GOSR2: variants seen among roughly 807,000 people sequenced by gnomAD.
GOSR2 encodes golgi SNAP receptor complex member 2, also known as 27 kDa Golgi SNARE protein.
A neutral mutation model predicts 27.9 loss-of-function variants in GOSR2; 20 were observed. The ratio of observed to expected loss-of-function variants is 0.72; its 90% CI spans 0.50 to 1.04. GOSR2 has a LOEUF of 1.04. GOSR2 is among the 50% of genes least tolerant of loss of function. GOSR2 has a pLI of 0.00. For synonymous variants in GOSR2, 91 were observed against 98.8 expected (o/e 0.92, Z 0.47); for missense variants, 261 against 270.5 (o/e 0.97, Z 0.25).
intron 1 of GOSR2, among the ~76,000 whole-genome samples, chr17:46,926,140 C>T (rs16941277): frequency 0.03 from 4,517 of 152,166 alleles, 215 homozygotes; most frequent in African/African-American, 0.1. Context: ...TCCTGAACAG[C>T]GGAGCTTAAG....
At chr17:46,954,354 G>A (rs1027261651) in intron 6 of GOSR2, among the ~76,000 whole-genome samples, 4 of 152,234 alleles carry the variant, frequency 2.6e-5, no homozygotes, top group Admixed American at 2.6e-4. Context: ...GTAGATAAGC[G>A]GCATTATTTC....
chr17:46,925,773 A>G (rs768557928), intron 1 of GOSR2, among the ~76,000 whole-genome samples: 1 of 152,218 alleles, frequency 6.6e-6, no homozygotes, highest in Non-Finnish European at 1.5e-5. Context: ...GTCACTGAAT[A>G]CATTGAGTAC....
intron 6 of GOSR2, among the ~76,000 whole-genome samples, chr17:46,960,606 T>C (rs1568212506): frequency 6.6e-6 from 1 of 152,236 alleles, no homozygotes; most frequent in Non-Finnish European, 1.5e-5. Flanking sequence ...CCAAATATCC[T>C]TCAACTGAAG....
At chr17:46,947,957 A>G (rs2090047536) in intron 6 of GOSR2, among the ~76,000 whole-genome samples, 1 of 152,114 alleles carries the variant, frequency 6.6e-6, no homozygotes, top group Non-Finnish European at 1.5e-5. Flanking sequence ...TTTACTAGAG[A>G]CAGAGTTTCA....
At position 46,939,438 on chromosome 17, in the gene GOSR2, G is replaced by T; in HGVS notation, c.*678G>T. The T allele has an allele frequency of 1.0e-6, 1 of 992,288 alleles. No individual in the cohort carries two copies. Among genetic ancestry groups the T allele is most frequent in the Non-Finnish European group, 1.2e-6 (1 of 833,166 alleles). 61.5% of individuals were successfully genotyped at this position (992,288 alleles called of 1,614,324 possible). A position where few individuals can be genotyped will look rare whatever the true frequency, so the allele number is the denominator to read the frequency against. On this transcript the variant is annotated 3_prime_UTR_variant, in exon 6 of 6. Transcript: ENST00000640051. ...GTGAGGCCAGTGTTATTTCCCGGGAGTGTTCAGTCTTGACCCTAGTCACTG... is the reference window on the plus strand; with the variant it reads ...GTGAGGCCAGTGTTATTTCCCGGGATTGTTCAGTCTTGACCCTAGTCACTG...
chr17:46,923,958 G>T, intron 1 of GOSR2: 1 of 398,198 alleles, frequency 2.5e-6, no homozygotes, highest in Non-Finnish European at 4.4e-6. Context: ...GGAATTTTAT[G>T]ATTTTTATTT....
chr17:46,935,849 T>C lies in GOSR2; in HGVS notation c.477+680T>C, dbSNP rs1047557817. On this transcript the variant is annotated intron_variant, in intron 5 of 5. Transcript: ENST00000640051. ...TCATGATGTTTCAGCCTCTGCCCTT[T>C]TCCTGTATCAACCCTGATGGATAAT... 10 of 986,104 alleles carry C rather than the reference T, an allele frequency of 1.0e-5. No individual in the cohort carries two copies. In the Admixed American group the frequency reaches 5.5e-4, roughly 54 times the overall value. The allele number at this position is 986,104 out of a possible 1,614,324, so 61.1% of individuals were successfully genotyped here.
At position 46,923,167 on chromosome 17, in the gene GOSR2, G is replaced by A. The variant is rs369892885; in HGVS notation, c.-26G>A. On this transcript the variant is annotated 5_prime_UTR_variant, in exon 1 of 6. Transcript: ENST00000640051. ...ACGTGTTCCGAGGAAGCCAGAGCCG[G>A]AGCCGTGGCCTGCGGGGCCGGCGAC... 2 of 1,478,622 alleles carry A rather than the reference G, an allele frequency of 1.4e-6. No individual in the cohort carries two copies. Among genetic ancestry groups the A allele is most frequent in the South Asian group, 1.2e-5 (1 of 82,654 alleles). 91.6% of individuals were successfully genotyped at this position (1,478,622 alleles called of 1,614,324 possible). A position where few individuals can be genotyped will look rare whatever the true frequency, so the allele number is the denominator to read the frequency against.
chr17:46,935,843 G>A, intron 5 of GOSR2: 1 of 986,126 alleles, frequency 1.0e-6, no homozygotes, highest in South Asian at 4.7e-5. Context: ...TTCAGCCTCT[G>A]CCCTTTTCCT....
chr17:46,929,780 T>C (rs1022855667), intron 2 of GOSR2, 196 bp downstream of exon 2: 1 of 573,752 alleles, frequency 1.7e-6, no homozygotes, highest in Non-Finnish European at 3.1e-6. Flanking sequence ...CCACAAGTCT[T>C]ATCCCCCATT....
intron 6 of GOSR2, among the ~76,000 whole-genome samples, chr17:46,960,183 CTT>C (rs1328172077): frequency 6.6e-6 from 1 of 152,170 alleles, no homozygotes; most frequent in Admixed American, 6.6e-5. Context: ...AGCAACCCAA[CTT>C]TTAAAAAGCA....
In GOSR2 at chr17:46,939,356, A is replaced by G. The variant is rs1325859077; in HGVS notation, c.*596A>G. The G allele has an allele frequency of 7.0e-6, 7 of 1,003,920 alleles. No individual in the cohort carries two copies. Among genetic ancestry groups the G allele is most frequent in the East Asian group, 9.3e-5 (1 of 10,764 alleles). The allele number at this position is 1,003,920 out of a possible 1,614,324, so 62.2% of individuals were successfully genotyped here. A position where few individuals can be genotyped will look rare whatever the true frequency, so the allele number is the denominator to read the frequency against. On this transcript the variant is annotated 3_prime_UTR_variant, in exon 6 of 6. Transcript: ENST00000640051. ...CCTAGGGGAAACAAGATGTAGTGCT[A>G]TTGCCGATAACAAGTAAGATTTTCC... is the stretch of plus-strand genomic sequence containing the variant.
chr17:46,931,212 G>A lies in GOSR2; in HGVS notation c.203+5G>A, dbSNP rs771307162. ...CAAAAGGCAAAATGCCAGACTGTAA[G>A]TGCTGACCTCTGACATGGCTCTGAT... is the stretch of plus-strand genomic sequence containing the variant. On this transcript the variant is annotated splice_donor_5th_base_variant and intron_variant, in intron 3 of 5. Coordinates refer to ENST00000640051, the MANE Select transcript of GOSR2 (RefSeq NM_004287.5). The A allele has an allele frequency of 2.3e-6, 3 of 1,294,830 alleles. No homozygotes were observed. The highest frequency in any genetic ancestry group is 3.4e-6 in the Non-Finnish European group (3 of 888,408). 80.2% of individuals were successfully genotyped at this position (1,294,830 alleles called of 1,614,324 possible). A position where few individuals can be genotyped will look rare whatever the true frequency, so the allele number is the denominator to read the frequency against.
At chr17:46,928,785 CAT>C (rs774548368) in intron 1 of GOSR2, among the ~76,000 whole-genome samples, 4 of 152,204 alleles carry the variant, frequency 2.6e-5, no homozygotes, top group Admixed American at 1.3e-4. Flanking sequence ...TTGTAATCCA[CAT>C]GTCTTGAATG....
chr17:46,930,998 TC>T lies in GOSR2; in HGVS notation c.95-100del, dbSNP rs1177996898. On this transcript the variant is annotated intron_variant, in intron 2 of 5. Coordinates refer to ENST00000640051, the MANE Select transcript of GOSR2 (RefSeq NM_004287.5). The stretch of plus-strand genomic sequence containing the variant: ...TTTTTCTCCTTTTGAAATATGTAGT[TC>T]TAGTTTATTGGATATTGAAAAAAAA... The T allele has an allele frequency of 7.7e-5, 57 of 735,996 alleles. No individual in the cohort carries two copies. The African/African-American group carries it at 9.2e-4, about 12-fold the overall frequency. 45.6% of individuals were successfully genotyped at this position (735,996 alleles called of 1,614,324 possible). A position where few individuals can be genotyped will look rare whatever the true frequency, so the allele number is the denominator to read the frequency against.
intron 6 of GOSR2, among the ~76,000 whole-genome samples, chr17:46,954,050 T>C (rs1335185683): frequency 2.6e-5 from 4 of 152,264 alleles, no homozygotes; most frequent in African/African-American, 9.6e-5. Flanking sequence ...TTAGATCCCA[T>C]TTGTCAATTT....
chr17:46,946,162 G>GC (rs2147163998), downstream of GOSR2, among the ~76,000 whole-genome samples: 1 of 152,114 alleles, frequency 6.6e-6, no homozygotes, highest in African/African-American at 2.4e-5. Context: ...TAGGCTGGGC[G>GC]CGGTGTCTCA....
At chr17:46,962,067 C>A (rs1008727371) in intron 6 of GOSR2, among the ~76,000 whole-genome samples, 2 of 152,194 alleles carry the variant, frequency 1.3e-5, no homozygotes, top group East Asian at 1.9e-4. Context: ...CACAGTGGCT[C>A]ATGCCTGTAA....
At chr17:46,945,062 TGTG>T (rs775982747), downstream of GOSR2, among the ~76,000 whole-genome samples, 4 of 152,164 alleles carry the variant, frequency 2.6e-5, no homozygotes, top group Admixed American at 2.6e-4. Context: ...GTGCGGCCAT[TGTG>T]GTGGGGGCAT....
Sources: gnomAD v4.1 joint callset for allele counts (sites outside exome capture counted in the v4.1 genomes callset) on GRCh38, gnomAD v4.1.1 for gene constraint, MANE v1.5 for transcripts, NCBI Gene and HGNC (gene_info 2026-07-23, HGNC 2026-07-21) for gene names.